Variants in ABLIM3 observed in about 807,000 individuals in gnomAD.
ABLIM3 encodes actin binding LIM protein family member 3.
A neutral mutation model predicts 109.5 loss-of-function variants in ABLIM3; 61 were observed. The ratio of observed to expected loss-of-function variants is 0.56; its 90% confidence interval spans 0.45 to 0.69. The LOEUF is 0.69. Ranked by LOEUF, ABLIM3 falls within the 30% of genes least tolerant of loss-of-function variation. The pLI, the probability that ABLIM3 is intolerant of heterozygous loss-of-function variation, is 0.00. For missense variants in ABLIM3, 796 were observed against 889.5 expected, an observed-to-expected ratio of 0.89 and a Z score of 1.34; for synonymous variants, 300 against 324.8, an observed-to-expected ratio of 0.92 and a Z score of 0.82.
chr5:149,161,890 CTGTG>C (rs368344944), intron 2 of ABLIM3, among the ~76,000 whole-genome samples: 2 of 149,910 alleles, frequency 1.3e-5, no homozygotes, highest in Admixed American at 1.3e-4. Context: ...TATGCGTGGG[CTGTG>C]TGTGTGTGTG....
intron 3 of ABLIM3, among the ~76,000 whole-genome samples, chr5:149,187,892 C>T (rs572794210): frequency 1.3e-5 from 2 of 152,308 alleles, no homozygotes; most frequent in African/African-American, 2.4e-5. Context: ...AATAGGGAAA[C>T]GACACAGCAG....
rs114979449 is a variant in ABLIM3, at chr5:149,163,552, G to A, written c.14-19900G>A. 3.0e-3 allele frequency among the ~76,000 whole-genome samples: 457 copies of A among 152,190 alleles called. 3 individuals carry two copies. Among genetic ancestry groups the A allele is most frequent in the African/African-American group, 0.01 (418 of 41,526 alleles). On this transcript the variant is annotated intron_variant, in intron 2 of 23. Transcript: ENST00000309868. ...TGAGTCCTCTCTCCTTGGCACATAG[G>A]TGGGCATCTTCCCCCTGTGAGTTCC...
Position 149,183,600 on chromosome 5 carries a change from C to T in ABLIM3, c.151+11C>T, listed in dbSNP as rs1310654242. On this transcript the variant is annotated intron_variant, in intron 3 of 23. Transcript: ENST00000309868. ...GCTTCACCTGTCAAGGTAGGAGGCT[C>T]AGCTCCCCCACTCTCTTCTTAGATT... 1 of 1,522,842 alleles carries T rather than the reference C, an allele frequency of 6.6e-7. No homozygotes were observed. 94.3% of individuals were successfully genotyped at this position (1,522,842 alleles called of 1,614,324 possible).
rs10037411 is a variant in ABLIM3, at chr5:149,178,698, A to G, written c.14-4754A>G. Among the ~76,000 whole-genome samples the G allele has an allele frequency of 4.0e-3, 606 of 152,358 alleles. 4 individuals are homozygous for G. Among genetic ancestry groups the G allele is most frequent in the African/African-American group, 0.014 (573 of 41,578 alleles). On this transcript the variant is annotated intron_variant, in intron 2 of 23. Transcript: ENST00000309868. ...ATTTTTATAGGAGAGGAATCGTGTCATTCGCTGTTTTTAAAAGAGACTGAT... is the reference window on the plus strand; with the variant it reads ...ATTTTTATAGGAGAGGAATCGTGTCGTTCGCTGTTTTTAAAAGAGACTGAT...
At chr5:149,222,804 T>A (rs776187132) in intron 8 of ABLIM3, among the ~76,000 whole-genome samples, 12 of 151,956 alleles carry the variant, frequency 7.9e-5, no homozygotes, top group Non-Finnish European at 1.6e-4. Flanking sequence ...CCCATTGTTA[T>A]GGGTTGTGGA....
intron 2 of ABLIM3, among the ~76,000 whole-genome samples, chr5:149,169,173 A>T (rs1755136135): frequency 2.1e-5 from 3 of 140,932 alleles, no homozygotes; most frequent in Non-Finnish European, 4.4e-5. Context: ...AACTGCGTAG[A>T]CGCTAGAATG....
intron 2 of ABLIM3, among the ~76,000 whole-genome samples, chr5:149,150,062 T>A (rs1313596417): frequency 6.6e-6 from 1 of 152,140 alleles, no homozygotes; most frequent in Non-Finnish European, 1.5e-5. Context: ...TATGGGTACC[T>A]CCCATTGGTC....
chr5:149,219,163 G>T (rs1760392918), intron 8 of ABLIM3: 1 of 152,210 alleles, frequency 6.6e-6, no homozygotes, highest in African/African-American at 2.4e-5. Context: ...GCTGTCCTGT[G>T]CATTGTAGGG....
intron 6 of ABLIM3, among the ~76,000 whole-genome samples, 184 bp downstream of exon 6, chr5:149,207,318 C>A (rs1054724326): frequency 6.6e-6 from 1 of 152,092 alleles, no homozygotes; most frequent in Non-Finnish European, 1.5e-5. Context: ...GGGGGGTTTC[C>A]CTCTGCCTGA....
At chr5:149,173,083 A>C (rs550893121) in intron 2 of ABLIM3, among the ~76,000 whole-genome samples, 6 of 152,220 alleles carry the variant, frequency 3.9e-5, no homozygotes, top group African/African-American at 1.4e-4. Context: ...GAACAGGGAG[A>C]GAGAGGAGCA....
intron 2 of ABLIM3, among the ~76,000 whole-genome samples, chr5:149,176,344 CTA>C (rs1755927809): frequency 6.6e-6 from 1 of 152,184 alleles, no homozygotes; most frequent in Non-Finnish European, 1.5e-5. Context: ...TCTTCTTAAA[CTA>C]TTTTTTAAAA....
chr5:149,213,986 C>T (rs1259673590), intron 7 of ABLIM3, among the ~76,000 whole-genome samples: 5 of 148,574 alleles, frequency 3.4e-5, no homozygotes, highest in Non-Finnish European at 6.0e-5. Context: ...CTGTATCTAC[C>T]GATACCCACA....
intron 2 of ABLIM3, among the ~76,000 whole-genome samples, chr5:149,177,591 A>G: frequency 6.6e-6 from 1 of 152,196 alleles, no homozygotes; most frequent in East Asian, 1.9e-4. Context: ...CTCCAGAGAT[A>G]GGGGGAGAAA....
chr5:149,219,925 C>T (rs934401437), intron 8 of ABLIM3: 6 of 152,082 alleles, frequency 3.9e-5, no homozygotes, highest in Non-Finnish European at 7.3e-5. Context: ...TAATCTTAAT[C>T]TTTCCCTGTT....
chr5:149,190,656 G>A (rs372832999), intron 3 of ABLIM3, among the ~76,000 whole-genome samples: 2 of 152,194 alleles, frequency 1.3e-5, no homozygotes, highest in Non-Finnish European at 2.9e-5. Flanking sequence ...CTCCAGGCTG[G>A]TGGACAGAGT....
intron 3 of ABLIM3, among the ~76,000 whole-genome samples, chr5:149,194,511 C>CA (rs1757772126): frequency 6.6e-6 from 1 of 152,086 alleles, no homozygotes; most frequent in Non-Finnish European, 1.5e-5. Flanking sequence ...TCCATAAAAG[C>CA]AAAAAACTGC....
At chr5:149,165,124 A>C (rs1213157053) in intron 2 of ABLIM3, among the ~76,000 whole-genome samples, 1 of 152,230 alleles carries the variant, frequency 6.6e-6, no homozygotes, top group African/African-American at 2.4e-5. Flanking sequence ...GCATCCTTGA[A>C]TCTCACAGTG....
chr5:149,144,256 T>C (rs1410718860), intron 2 of ABLIM3, among the ~76,000 whole-genome samples: 1 of 152,060 alleles, frequency 6.6e-6, no homozygotes, highest in African/African-American at 2.4e-5. Context: ...CAGGAGGAAG[T>C]GCTTCTCTAA....
At chr5:149,188,493 G>C (rs1369750525) in intron 3 of ABLIM3, among the ~76,000 whole-genome samples, 1 of 152,158 alleles carries the variant, frequency 6.6e-6, no homozygotes, top group African/African-American at 2.4e-5. Context: ...GTTAAACAAG[G>C]CCTAAATAAA....
Sources: gnomAD v4.1 joint callset for allele counts (sites outside exome capture counted in the v4.1 genomes callset) on GRCh38, gnomAD v4.1.1 for gene constraint, MANE v1.5 for transcripts, NCBI Gene and HGNC (gene_info 2026-07-23, HGNC 2026-07-21) for gene names.